The following RNGTT variants were observed in gnomAD, a reference collection of about 807,000 sequenced individuals.
RNGTT encodes mRNA-capping enzyme.
A neutral mutation model predicts 79.3 loss-of-function variants in RNGTT; 33 were observed. The observed-to-expected ratio is 0.42, with a 90% CI of 0.32 to 0.56. RNGTT has a LOEUF of 0.56. Ranked by LOEUF, RNGTT falls within the 20% of genes least tolerant of loss-of-function variation. The pLI is 0.17. For missense variants in RNGTT, 497 were observed against 739.1 expected (o/e 0.67, Z 3.80); for synonymous variants, 222 against 235.9 (o/e 0.94, Z 0.54).
intron 11 of RNGTT, among the ~76,000 whole-genome samples, chr6:88,808,811 CCAGGCCATGGCGG>C (rs1780043568): frequency 6.6e-6 from 1 of 151,968 alleles, no homozygotes; most frequent in African/African-American, 2.4e-5. Context: ...ATAGTCAAAG[CCAGGCCATGGCGG>C]CATGCACCTA....
chr6:88,938,482 T>C (rs921986674), intron 2 of RNGTT, among the ~76,000 whole-genome samples: 75 of 152,350 alleles, frequency 4.9e-4, no homozygotes, highest in African/African-American at 1.7e-3. Context: ...CTATATCCAT[T>C]CGGCCAGTTT....
rs781008784 is a variant in RNGTT at position 88,904,876 on chromosome 6, G to A, written c.523C>T (p.Arg175Cys). The change falls in exon 6 of 16, where the codon CGT (arginine) becomes TGT (cysteine). Residue 175 changes from arginine (R) to cysteine (C), a missense_variant. Arg to Cys is a radical substitution (Grantham distance 180). Coordinates refer to ENST00000369485, the MANE Select transcript of RNGTT (RefSeq NM_003800.5). ...GCTTCCTCTATGTCACCATACCGAC[G>A]AAAAAGTTCCTTCAAATAATCACCC... ...YKGDYLKELF[R>C]RYGDIEEAPP... 9.3e-6 allele frequency: 15 copies of A among 1,613,880 alleles called. No homozygotes were observed. Among genetic ancestry groups the A allele is most frequent in the South Asian group, 5.5e-5 (5 of 91,068 alleles).
chr6:88,791,536 T>TTTTA (rs926777810), intron 12 of RNGTT, among the ~76,000 whole-genome samples: 9 of 151,796 alleles, frequency 5.9e-5, no homozygotes, highest in African/African-American at 2.2e-4. Flanking sequence ...CTAAATTTTA[T>TTTTA]TTTATTTATT....
At chr6:88,651,757 A>G (rs1292780758) in intron 14 of RNGTT, among the ~76,000 whole-genome samples, 1 of 151,948 alleles carries the variant, frequency 6.6e-6, no homozygotes, top group Non-Finnish European at 1.5e-5. Flanking sequence ...GCCCCCCCAA[A>G]TTTTTATTTT....
intron 8 of RNGTT, among the ~76,000 whole-genome samples, chr6:88,885,633 T>C (rs1476345530): frequency 6.6e-6 from 1 of 152,172 alleles, no homozygotes; most frequent in East Asian, 1.9e-4. Flanking sequence ...GTATAAGAAA[T>C]AGGATATTTA....
chr6:88,811,482 C>G (rs1413614552), intron 11 of RNGTT, among the ~76,000 whole-genome samples: 1 of 152,120 alleles, frequency 6.6e-6, no homozygotes, highest in African/African-American at 2.4e-5. Context: ...GTCTATGAAT[C>G]ATGATGTAAC....
intron 14 of RNGTT, among the ~76,000 whole-genome samples, chr6:88,639,478 T>A (rs1165477445): frequency 6.6e-6 from 1 of 152,052 alleles, no homozygotes; most frequent in African/African-American, 2.4e-5. Context: ...AAAAATAAGA[T>A]TTCACAGGCA....
At chr6:88,819,191 A>T (rs530735526) in intron 11 of RNGTT, among the ~76,000 whole-genome samples, 305 of 152,302 alleles carry the variant, frequency 2.0e-3, no homozygotes, top group African/African-American at 7.1e-3. Context: ...AAACTTAAAT[A>T]TATTTTTTGG....
intron 8 of RNGTT, among the ~76,000 whole-genome samples, chr6:88,854,741 G>A (rs182943186): frequency 0.019 from 2,863 of 152,118 alleles, 77 homozygotes; most frequent in African/African-American, 0.065. Flanking sequence ...CAACATATGG[G>A]GGAATTCATA....
chr6:88,933,542 A>T (rs946496111), intron 2 of RNGTT, among the ~76,000 whole-genome samples: 3 of 151,810 alleles, frequency 2.0e-5, no homozygotes, highest in African/African-American at 7.3e-5. Flanking sequence ...ATGTAGTAGC[A>T]CAATCATAGC....
intron 8 of RNGTT, among the ~76,000 whole-genome samples, chr6:88,859,827 T>A (rs949589033): frequency 6.6e-6 from 1 of 152,180 alleles, no homozygotes; most frequent in Non-Finnish European, 1.5e-5. Context: ...TCCAAATTCC[T>A]GCCTGTGCTC....
intron 12 of RNGTT, among the ~76,000 whole-genome samples, chr6:88,775,828 TAC>T (rs2127846436): frequency 6.6e-6 from 1 of 152,332 alleles, no homozygotes; most frequent in Admixed American, 6.5e-5. Context: ...TCTTGCTTAG[TAC>T]AATGCCCTCC....
rs938835025 is a variant in RNGTT at position 88,956,328 on chromosome 6, A to T, written c.64+7018T>A. Among the ~76,000 whole-genome samples, 4 of 151,974 alleles carry T rather than the reference A, an allele frequency of 2.6e-5. 1 individual carries two copies. The highest frequency in any genetic ancestry group is 5.9e-5 in the Non-Finnish European group (4 of 67,982). On this transcript the variant is annotated intron_variant, in intron 1 of 15. Coordinates refer to ENST00000369485, the MANE Select transcript of RNGTT (RefSeq NM_003800.5). ...AAAGAGAAACTCTGAACAGACTAATAACAAGTAGCAAGACTGAAACAGTCA... is the reference window on the plus strand; with the variant it reads ...AAAGAGAAACTCTGAACAGACTAATTACAAGTAGCAAGACTGAAACAGTCA...
At chr6:88,841,979 T>C (rs1781308687) in intron 11 of RNGTT, among the ~76,000 whole-genome samples, 1 of 152,214 alleles carries the variant, frequency 6.6e-6, no homozygotes, top group Non-Finnish European at 1.5e-5. Context: ...ATTTAAATTC[T>C]GATAAGGAGA....
intron 4 of RNGTT, among the ~76,000 whole-genome samples, chr6:88,907,338 C>A (rs1783686698): frequency 6.6e-6 from 1 of 152,138 alleles, no homozygotes; most frequent in African/African-American, 2.4e-5. Flanking sequence ...AGTGAGTTCT[C>A]ATGAGATCTG....
At chr6:88,766,424 GT>G (rs1362269656) in intron 13 of RNGTT, among the ~76,000 whole-genome samples, 1 of 152,008 alleles carries the variant, frequency 6.6e-6, no homozygotes, top group East Asian at 1.9e-4. Flanking sequence ...AAGCCATCAT[GT>G]TTTTAAAACA....
chr6:88,729,528 T>C (rs1582391681), intron 13 of RNGTT, among the ~76,000 whole-genome samples: 1 of 152,078 alleles, frequency 6.6e-6, no homozygotes, highest in Non-Finnish European at 1.5e-5. Context: ...AGCTGCAGGA[T>C]TTGAGTCAAT....
At chr6:88,623,346 C>T (rs116467997) in intron 14 of RNGTT, among the ~76,000 whole-genome samples, 2,893 of 152,104 alleles carry the variant, frequency 0.019, 88 homozygotes, top group African/African-American at 0.064. Flanking sequence ...TTAACTATAT[C>T]GGTAAATATA....
chr6:88,942,998 C>A (rs192815951), intron 1 of RNGTT, among the ~76,000 whole-genome samples: 1 of 152,324 alleles, frequency 6.6e-6, no homozygotes, highest in African/African-American at 2.4e-5. Flanking sequence ...GTGGCTCCCC[C>A]TCTCACCCTG....
Sources: allele counts gnomAD v4.1 joint callset (sites outside exome capture counted in the v4.1 genomes callset), GRCh38; gene constraint gnomAD v4.1.1; transcripts MANE v1.5; gene names NCBI Gene and HGNC (gene_info 2026-07-23, HGNC 2026-07-21).